NIPBL: variants seen among roughly 807,000 people sequenced by gnomAD.
NIPBL encodes NIPBL cohesin loading factor, also known as nipped-B-like protein.
A neutral mutation model predicts 321.8 loss-of-function variants in NIPBL; 19 were observed. The ratio of observed to expected loss-of-function variants is 0.06; its 90% CI spans 0.04 to 0.09. NIPBL has a LOEUF of 0.09. NIPBL is among the 10% of genes least tolerant of loss of function. The pLI is 1.00. For synonymous variants in NIPBL, 1,106 were observed against 1,114.1 expected (o/e 0.99, Z 0.14); for missense variants, 2,210 against 3,327.0 (o/e 0.66, Z 8.26).
At chr5:37,064,506 T>TC (rs747291753) in intron 46 of NIPBL, 21 bp from the exon 47 acceptor site, 52 of 1,609,450 alleles carry the variant, frequency 3.2e-5, no homozygotes, top group Non-Finnish European at 4.2e-5. Context: ...TGGTCTTTTT[T>TC]CCCCCCTCCC....
chr5:36,931,310 T>C (rs1749757060), intron 1 of NIPBL, among the ~76,000 whole-genome samples: 2 of 152,012 alleles, frequency 1.3e-5, no homozygotes. Flanking sequence ...ATATTCCCTT[T>C]TAATTCTTTC....
chr5:36,939,597 T>C (rs1738841053), intron 1 of NIPBL, among the ~76,000 whole-genome samples: 1 of 152,310 alleles, frequency 6.6e-6, no homozygotes, highest in East Asian at 1.9e-4. Flanking sequence ...CTTAGTCCAT[T>C]TTGTGCTGCT....
intron 6 of NIPBL, among the ~76,000 whole-genome samples, chr5:36,969,170 A>AC (rs1241705179): frequency 6.6e-6 from 1 of 152,214 alleles, no homozygotes; most frequent in African/African-American, 2.4e-5. Flanking sequence ...AAAGAAAATG[A>AC]AGAGTTATGC....
chr5:37,024,240 T>C (rs1321318825), intron 29 of NIPBL, among the ~76,000 whole-genome samples: 2 of 152,112 alleles, frequency 1.3e-5, no homozygotes, highest in East Asian at 3.9e-4. Context: ...TTTTATGAAG[T>C]CTACTTTTAA....
At chr5:36,919,392 T>G (rs982466506) in intron 1 of NIPBL, among the ~76,000 whole-genome samples, 1 of 151,698 alleles carries the variant, frequency 6.6e-6, no homozygotes, top group Non-Finnish European at 1.5e-5. Context: ...AGAGATAGGG[T>G]CTCATGAAAC....
At chr5:36,889,911 A>G (rs1746188735) in intron 1 of NIPBL, among the ~76,000 whole-genome samples, 3 of 151,864 alleles carry the variant, frequency 2.0e-5, no homozygotes, top group African/African-American at 4.8e-5. Flanking sequence ...TGTAGAACCA[A>G]TGTGAAAAAA....
At chr5:37,008,834 G>C in intron 20 of NIPBL, 111 bp downstream of exon 20, 1 of 722,540 alleles carries the variant, frequency 1.4e-6, no homozygotes, top group Non-Finnish European at 2.5e-6. Context: ...TTAAAAACTA[G>C]GCAGTTACAT....
chr5:36,919,676 AAG>A (rs1748767208), intron 1 of NIPBL, among the ~76,000 whole-genome samples: 1 of 152,192 alleles, frequency 6.6e-6, no homozygotes, highest in Non-Finnish European at 1.5e-5. Context: ...CTGACTGAGA[AAG>A]AAGATATTTT....
chr5:36,938,379 A>G (rs1278289967), intron 1 of NIPBL, among the ~76,000 whole-genome samples: 2 of 152,106 alleles, frequency 1.3e-5, no homozygotes, highest in Non-Finnish European at 2.9e-5. Context: ...CGAGTGAGAA[A>G]GGGAAAGACG....
intron 18 of NIPBL, 98 bp downstream of exon 18, chr5:37,007,572 C>G: frequency 1.2e-6 from 1 of 819,908 alleles, no homozygotes; most frequent in Non-Finnish European, 1.9e-6. Context: ...ACTATATTAT[C>G]AAGAATTTTT....
intron 1 of NIPBL, among the ~76,000 whole-genome samples, 167 bp downstream of exon 1, chr5:36,877,345 C>T (rs1463694135): frequency 1.1e-4 from 16 of 152,084 alleles, no homozygotes; most frequent in Admixed American, 1.0e-3. Flanking sequence ...CCTTGGGTAG[C>T]GGTGGTTTTG....
At chr5:36,879,640 A>G (rs1268068090) in intron 1 of NIPBL, among the ~76,000 whole-genome samples, 1 of 152,120 alleles carries the variant, frequency 6.6e-6, no homozygotes, top group Non-Finnish European at 1.5e-5. Context: ...CTAATCATCT[A>G]TTTCCATTAA....
At chr5:36,962,339 T>A in intron 6 of NIPBL, 65 bp downstream of exon 6, 1 of 1,556,286 alleles carries the variant, frequency 6.4e-7, no homozygotes, top group South Asian at 1.1e-5. Flanking sequence ...CAAATTTGTT[T>A]TTTAAAATAT....
intron 27 of NIPBL, among the ~76,000 whole-genome samples, chr5:37,021,206 G>A (rs1032555578): frequency 4.6e-5 from 7 of 152,202 alleles, no homozygotes; most frequent in African/African-American, 9.6e-5. Context: ...GGCTGAGGCC[G>A]GAGAATTGCT....
intron 6 of NIPBL, among the ~76,000 whole-genome samples, chr5:36,966,159 G>A (rs982869762): frequency 2.6e-5 from 4 of 151,980 alleles, no homozygotes; most frequent in African/African-American, 7.2e-5. Context: ...TTCAAAGCAT[G>A]TTCAAATCTA....
chr5:36,884,063 C>A (rs924029084), intron 1 of NIPBL, among the ~76,000 whole-genome samples: 1 of 152,048 alleles, frequency 6.6e-6, no homozygotes. Context: ...GTGTTTATTC[C>A]ATAACGTTAC....
intron 1 of NIPBL, among the ~76,000 whole-genome samples, chr5:36,941,083 A>T (rs559602395): frequency 1.3e-5 from 2 of 152,210 alleles, no homozygotes; most frequent in South Asian, 2.1e-4. Flanking sequence ...TTACTTTTTT[A>T]AAAAAATTCA....
At chr5:36,957,670 G>C (rs893435413) in intron 3 of NIPBL, among the ~76,000 whole-genome samples, 1 of 151,930 alleles carries the variant, frequency 6.6e-6, no homozygotes, top group Non-Finnish European at 1.5e-5. Flanking sequence ...TTTCTCCCAG[G>C]GATAGCATAT....
chr5:36,978,496 T>C (rs1743767122), intron 9 of NIPBL, among the ~76,000 whole-genome samples: 1 of 152,050 alleles, frequency 6.6e-6, no homozygotes, highest in Admixed American at 6.6e-5. Flanking sequence ...TAGACCTTTG[T>C]TGGATGCATA....
Sources: allele counts gnomAD v4.1 joint callset (sites outside exome capture counted in the v4.1 genomes callset), GRCh38; gene constraint gnomAD v4.1.1; transcripts MANE v1.5; gene names NCBI Gene and HGNC (gene_info 2026-07-23, HGNC 2026-07-21).